Variants in SMOC2 observed in about 807,000 individuals in gnomAD.
The protein encoded by SMOC2 is SPARC related modular calcium binding 2, also known as SPARC-related modular calcium-binding protein 2.
A neutral mutation model predicts 61.4 loss-of-function variants in SMOC2; 39 were observed. The observed-to-expected ratio is 0.64, with a 90% confidence interval of 0.49 to 0.83. The LOEUF is 0.83. SMOC2 is among the 40% of genes least tolerant of loss of function. The probability of loss-of-function intolerance (pLI) is 0.00; values close to 1 mark genes in which losing one functional copy is unlikely to be tolerated. For synonymous variants in SMOC2, 247 were observed against 239.9 expected, an observed-to-expected ratio of 1.03 and a Z score of -0.27; for missense variants, 556 against 592.9, an observed-to-expected ratio of 0.94 and a Z score of 0.65.
chr6:168,483,849 G>C (rs1278114809), intron 1 of SMOC2, among the ~76,000 whole-genome samples: 1 of 152,138 alleles, frequency 6.6e-6, no homozygotes, highest in African/African-American at 2.4e-5. Context: ...AAAGAGGACA[G>C]TCTTTTCAAC....
chr6:168,512,381 T>C (rs1478652768), intron 2 of SMOC2, among the ~76,000 whole-genome samples: 1 of 152,142 alleles, frequency 6.6e-6, no homozygotes, highest in Non-Finnish European at 1.5e-5. Flanking sequence ...ACCAGCACGA[T>C]TGCAGTGAGT....
chr6:168,526,599 A>G (rs1199749823), intron 3 of SMOC2, 147 bp downstream of exon 3: 3 of 641,254 alleles, frequency 4.7e-6, no homozygotes, highest in Non-Finnish European at 8.3e-6. Flanking sequence ...GCATTTTAGA[A>G]GTTAATTCGT....
At chr6:168,599,547 C>T (rs1284069249) in intron 8 of SMOC2, among the ~76,000 whole-genome samples, 3 of 136,594 alleles carry the variant, frequency 2.2e-5, no homozygotes, top group South Asian at 2.5e-4. Flanking sequence ...CACTCACACA[C>T]ACTCATACCC....
chr6:168,579,531 A>C (rs975435796), intron 7 of SMOC2, among the ~76,000 whole-genome samples: 2 of 152,246 alleles, frequency 1.3e-5, no homozygotes, highest in African/African-American at 4.8e-5. Context: ...TCAGTGTCCA[A>C]ATTCTACAGA....
At chr6:168,479,119 T>C (rs898814829) in intron 1 of SMOC2, among the ~76,000 whole-genome samples, 3 of 143,912 alleles carry the variant, frequency 2.1e-5, no homozygotes, top group African/African-American at 5.2e-5. Flanking sequence ...TTGAATGATT[T>C]ATGGTATCTG....
chr6:168,458,108 C>T (rs1030950372), intron 1 of SMOC2, among the ~76,000 whole-genome samples: 1 of 152,210 alleles, frequency 6.6e-6, no homozygotes, highest in African/African-American at 2.4e-5. Context: ...TAACATAATC[C>T]TGCAGTGTGA....
At chr6:168,531,646 C>A (rs760036182) in intron 4 of SMOC2, among the ~76,000 whole-genome samples, 14 of 152,204 alleles carry the variant, frequency 9.2e-5, no homozygotes, top group Non-Finnish European at 2.1e-4. Flanking sequence ...TGCGGCCCCC[C>A]ACTTGGCCAC....
chr6:168,534,621 G>A (rs893767608), intron 4 of SMOC2, among the ~76,000 whole-genome samples: 4 of 152,206 alleles, frequency 2.6e-5, no homozygotes, highest in African/African-American at 9.6e-5. Flanking sequence ...CAATATTCTG[G>A]TGTAACTTTT....
At chr6:168,614,488 G>A (rs1295377645) in intron 9 of SMOC2, among the ~76,000 whole-genome samples, 4 of 15,886 alleles carry the variant, frequency 2.5e-4, no homozygotes, top group African/African-American at 8.1e-4. Flanking sequence ...GCCAGCACAG[G>A]GCCTCTTCAC....
chr6:168,469,273 G>A (rs981308991), intron 1 of SMOC2, among the ~76,000 whole-genome samples: 1 of 152,220 alleles, frequency 6.6e-6, no homozygotes, highest in Non-Finnish European at 1.5e-5. Context: ...TTGGGAAGGA[G>A]CGGTTTCAGT....
intron 8 of SMOC2, among the ~76,000 whole-genome samples, chr6:168,600,839 C>T (rs1277978582): frequency 1.3e-5 from 2 of 152,160 alleles, no homozygotes; most frequent in Admixed American, 1.3e-4. Context: ...AATACAAAAA[C>T]AACTTGTTCA....
intron 8 of SMOC2, among the ~76,000 whole-genome samples, chr6:168,599,309 ACC>A (rs1554247690): frequency 2.0e-5 from 2 of 101,688 alleles, no homozygotes; most frequent in South Asian, 3.2e-4. Context: ...CCACACACAC[ACC>A]CCCACACTGT....
At position 168,480,339 on chromosome 6, in the gene SMOC2, G is replaced by A. The variant is rs60708122; in HGVS notation, c.85-29576G>A. ...AACATTTGAAAACACCTGTCTTAAC[G>A]ATGCTCAAAGAACTAAAGAAAGATG... On this transcript the variant is annotated intron_variant, in intron 1 of 12. Transcript: ENST00000356284. 4.2e-3 allele frequency among the ~76,000 whole-genome samples: 633 copies of A among 152,146 alleles called. 7 individuals are homozygous for A. Among genetic ancestry groups the A allele is most frequent in the African/African-American group, 0.014 (592 of 41,516 alleles).
rs147784768 is a variant in SMOC2 at position 168,488,893 on chromosome 6, G to C, written c.85-21022G>C. ...ATATCAAATCGTCTGGGTCCCCTTG[G>C]ATCACACTGTTTTAGAATGAAATAT... On this transcript the variant is annotated intron_variant, in intron 1 of 12. Transcript: ENST00000356284. Among the ~76,000 whole-genome samples, 215 of 137,214 alleles carry C rather than the reference G, an allele frequency of 1.6e-3. 2 individuals are homozygous for C. Among genetic ancestry groups the C allele is most frequent in the East Asian group, 4.9e-3 (24 of 4,864 alleles). 90.0% of individuals were successfully genotyped at this position (137,214 alleles called of 152,430 possible). A position where few individuals can be genotyped will look rare whatever the true frequency, so the allele number is the denominator to read the frequency against.
intron 1 of SMOC2, among the ~76,000 whole-genome samples, chr6:168,449,796 G>T (rs953618564): frequency 6.6e-6 from 1 of 152,182 alleles, no homozygotes; most frequent in African/African-American, 2.4e-5. Flanking sequence ...AAATAAACAC[G>T]TGCTTTTCTG....
intron 9 of SMOC2, among the ~76,000 whole-genome samples, chr6:168,618,934 G>T (rs9455677): frequency 0.9 from 136,720 of 152,196 alleles, 61,493 homozygotes; most frequent in Middle Eastern, 0.98. Flanking sequence ...ATTATGGGCT[G>T]CATTTTATTT....
Position 168,655,419 on chromosome 6 carries a change from C to A in SMOC2, c.1285+2191C>A, listed in dbSNP as rs183634935. 502 of 456,568 alleles carry A rather than the reference C, an allele frequency of 1.1e-3. 2 individuals are homozygous for A. The highest frequency in any genetic ancestry group is 4.0e-3 in the South Asian group (260 of 64,558). 28.3% of individuals were successfully genotyped at this position (456,568 alleles called of 1,614,324 possible). A position where few individuals can be genotyped will look rare whatever the true frequency, so the allele number is the denominator to read the frequency against. The stretch of plus-strand genomic sequence containing the variant: ...AGGAAGTAAGAGAAACCTGTGATGG[C>A]CAGAGCCCAGATGTTCTTAGGAGGC... On this transcript the variant is annotated intron_variant, in intron 11 of 12. Coordinates refer to ENST00000356284, the MANE Select transcript of SMOC2 (RefSeq NM_001166412.2).
In SMOC2 at chr6:168,441,336, G is replaced by A. The variant is rs778766685; in HGVS notation, c.-35G>A. On this transcript the variant is annotated 5_prime_UTR_variant, in exon 1 of 13. Transcript: ENST00000356284. ...CGGCTGCAGTGCCAGGGCGCAGGACGCGGCCGATCTCCCGCTCCCGCCACC... is the reference window on the plus strand; with the variant it reads ...CGGCTGCAGTGCCAGGGCGCAGGACACGGCCGATCTCCCGCTCCCGCCACC... 6.7e-7 allele frequency: 1 copy of A among 1,496,010 alleles called. No homozygotes were observed. The highest frequency in any genetic ancestry group is 1.2e-5 in the South Asian group (1 of 80,236). The allele number at this position is 1,496,010 out of a possible 1,614,324, so 92.7% of individuals were successfully genotyped here. A position where few individuals can be genotyped will look rare whatever the true frequency, so the allele number is the denominator to read the frequency against.
Position 168,453,156 on chromosome 6 carries a change from C to T in SMOC2, c.84+11702C>T, listed in dbSNP as rs2114995292. 6.7e-6 allele frequency among the ~76,000 whole-genome samples: 1 copy of T among 150,174 alleles called. No homozygotes were observed. Among genetic ancestry groups the T allele is most frequent in the African/African-American group, 2.5e-5 (1 of 40,698 alleles). ...TGTGGCTTGAATCTGCTGTCCGACG[C>T]AGGCAGGTGCAGGCTGTTCTAGAGT... On this transcript the variant is annotated intron_variant, in intron 1 of 12. Transcript: ENST00000356284. This position sits in a 1 kb window ranked among gnomAD's most constrained non-coding sequence, Gnocchi z 4.4.
Sources: gnomAD v4.1 joint callset for allele counts (sites outside exome capture counted in the v4.1 genomes callset) on GRCh38, gnomAD v4.1.1 for gene constraint, Gnocchi (gnomAD v3.1) non-coding constraint, MANE v1.5 for transcripts, NCBI Gene and HGNC (gene_info 2026-07-23, HGNC 2026-07-21) for gene names.